NUMA1: variants seen among roughly 807,000 people sequenced by gnomAD.
NUMA1 encodes the protein nuclear mitotic apparatus protein 1, also known as SP-H antigen.
NUMA1 carries 62 observed loss-of-function variants against 237.1 expected under a neutral mutation model. The ratio of observed to expected loss-of-function variants is 0.26; its 90% confidence interval spans 0.21 to 0.32. The LOEUF (loss-of-function observed/expected upper bound fraction) is 0.32. Ranked by LOEUF, NUMA1 falls within the 10% of genes least tolerant of loss-of-function variation. The pLI, the probability that NUMA1 is intolerant of heterozygous loss-of-function variation, is 1.00. For missense variants in NUMA1, 2,533 were observed against 2,666.5 expected (o/e 0.95, Z 1.10); for synonymous variants, 1,028 against 1,066.1 (o/e 0.96, Z 0.70).
At chr11:72,008,009 G>A (rs773431342) in intron 20 of NUMA1, 57 of 434,804 alleles carry the variant, frequency 1.3e-4, no homozygotes, top group Middle Eastern at 1.0e-3. Context: ...TCAAACCCCA[G>A]CTCTACCACT....
At chr11:72,012,522 C>CT in intron 15 of NUMA1, 80 bp from the exon 16 acceptor site, 1 of 1,331,286 alleles carries the variant, frequency 7.5e-7, no homozygotes, top group Non-Finnish European at 1.1e-6. Context: ...GCTGACCTCA[C>CT]TGAGGCTCTG....
Position 72,013,664 on chromosome 11 carries a change from C to A in NUMA1, c.3839G>T (p.Ser1280Ile). 1.2e-6 allele frequency: 2 copies of A among 1,609,374 alleles called. No homozygotes were observed. The highest frequency in any genetic ancestry group is 1.7e-6 in the Non-Finnish European group (2 of 1,179,976). ...RLLQAETASN[S>I]ARAAERSSAL... ...AGAGCTGCGTTCTGCAGCTCTGGCA[C>A]TGTTGCTGGCTGTCTCTGCCTGCAG... Residue 1280 changes from serine (S) to isoleucine (I), a missense_variant, in exon 15 of 27, where the codon AGT becomes ATT. Ser to Ile is a moderately radical substitution (Grantham distance 142). Around this residue, in one of 3 missense-constraint regions of NUMA1, gnomAD observed 324 missense variants for 407.6 expected, o/e 0.79. Transcript: ENST00000393695. This position sits in a 1 kb window ranked among gnomAD's most constrained non-coding sequence, Gnocchi z 6.8.
At chr11:72,051,136 G>C (rs1187451841) in intron 2 of NUMA1, among the ~76,000 whole-genome samples, 1 of 152,108 alleles carries the variant, frequency 6.6e-6, no homozygotes, top group East Asian at 1.9e-4. Flanking sequence ...CGATCTGCCT[G>C]CATTGACCTC....
chr11:72,010,068 A>G (rs1235318461), intron 17 of NUMA1, among the ~76,000 whole-genome samples: 1 of 152,224 alleles, frequency 6.6e-6, no homozygotes, highest in African/African-American at 2.4e-5. Flanking sequence ...AACATAGGAC[A>G]GGCCCCACAA....
chr11:72,054,027 T>C (rs1372992152), intron 2 of NUMA1, among the ~76,000 whole-genome samples: 1 of 152,200 alleles, frequency 6.6e-6, no homozygotes, highest in Non-Finnish European at 1.5e-5. Context: ...TTGGTATCTG[T>C]GTGAAGTCCT....
chr11:72,069,308 G>A (rs1037523163), intron 2 of NUMA1, among the ~76,000 whole-genome samples: 3 of 152,144 alleles, frequency 2.0e-5, no homozygotes, highest in Admixed American at 6.5e-5. Flanking sequence ...ATTGAGGTTA[G>A]GCAATTTGTC....
At position 72,014,762 on chromosome 11, in the gene NUMA1, T is replaced by C; in HGVS notation, c.2741A>G (p.Lys914Arg). ...CAAGGTCTCCAAGCGGGCCACCTCT[T>C]TGCTGGTGGCAGCCATCTTTTCCTG... is the stretch of plus-strand genomic sequence containing the variant. Reference protein sequence around the residue: ...TLQEKMAATSKEVARLETLVR... With the variant: ...TLQEKMAATSREVARLETLVR... The change falls in exon 15 of 27, where the codon AAA becomes AGA. Residue 914 changes from lysine to arginine, a missense_variant. Physicochemically the swap from Lys to Arg is conservative, Grantham distance 26. Coordinates refer to ENST00000393695, the MANE Select transcript of NUMA1 (RefSeq NM_006185.4). The surrounding 1 kb of genome is among the most constrained non-coding windows in gnomAD (Gnocchi z 4.6). 2 of 1,614,192 alleles carry C rather than the reference T, an allele frequency of 1.2e-6. No individual in the cohort carries two copies. Among genetic ancestry groups the C allele is most frequent in the Non-Finnish European group, 1.7e-6 (2 of 1,180,054 alleles).
rs1937657403 is a variant in NUMA1, at chr11:72,015,952, C to T, written c.1551G>A (p.Gln517=). 5 of 1,614,148 alleles carry T rather than the reference C, an allele frequency of 3.1e-6. No individual in the cohort carries two copies. In the South Asian group the frequency reaches 3.3e-5, roughly 11 times the overall value. Residue 517 remains glutamine (Q), a synonymous_variant, in exon 15 of 27, where the codon CAG becomes CAA. Coordinates refer to ENST00000393695, the MANE Select transcript of NUMA1 (RefSeq NM_006185.4). The surrounding 1 kb of genome is among the most constrained non-coding windows in gnomAD (Gnocchi z 4.0). Reference sequence around the variant, plus strand: ...GCTTCAGGCCAGCCAGTTCTTGATCCTGTTGCTGGATGGTGGCATTGAGTG... The same window carrying T: ...GCTTCAGGCCAGCCAGTTCTTGATCTTGTTGCTGGATGGTGGCATTGAGTG... The part of the protein sequence containing the change: ...LTTLNATIQQ[Q]DQELAGLKQQ...
chr11:72,061,485 C>CTTTTCTT (rs1555038681), intron 2 of NUMA1, among the ~76,000 whole-genome samples: 20 of 117,280 alleles, frequency 1.7e-4, no homozygotes, highest in Non-Finnish European at 2.8e-4. Flanking sequence ...TGTTTCTTTT[C>CTTTTCTT]TTTTTTTTTT....
intron 10 of NUMA1, 86 bp downstream of exon 10, chr11:72,018,737 G>C: frequency 6.8e-7 from 1 of 1,481,232 alleles, no homozygotes; most frequent in South Asian, 1.3e-5. Context: ...CAGCTCCAGG[G>C]GCCAGCAGAG....
At chr11:72,056,941 T>C (rs1565282718) in intron 2 of NUMA1, among the ~76,000 whole-genome samples, 1 of 151,726 alleles carries the variant, frequency 6.6e-6, no homozygotes, top group Non-Finnish European at 1.5e-5. Flanking sequence ...GGAACTATCC[T>C]ACATCATCAT....
chr11:72,005,930 A>C (rs923813826), intron 22 of NUMA1, 105 bp downstream of exon 22: 1 of 955,106 alleles, frequency 1.0e-6, no homozygotes, highest in Non-Finnish European at 1.6e-6. Context: ...GATGGTAGCA[A>C]GGAGGCCAGC....
chr11:72,007,792 C>T, intron 20 of NUMA1: 1 of 372,854 alleles, frequency 2.7e-6, no homozygotes. Flanking sequence ...ACTCAGGCCC[C>T]CAAGCCATGA....
chr11:72,073,058 A>AAAAAAAAAAAAAG (rs1943535817), intron 1 of NUMA1, among the ~76,000 whole-genome samples: 1 of 147,232 alleles, frequency 6.8e-6, no homozygotes, highest in African/African-American at 2.5e-5. Flanking sequence ...CAAAAAAAAA[A>AAAAAAAAAAAAAG]AAAAAAAAAA....
chr11:72,013,821 T>C lies in NUMA1; in HGVS notation c.3682A>G (p.Ser1228Gly). 1 of 1,611,974 alleles carries C rather than the reference T, an allele frequency of 6.2e-7. No homozygotes were observed. The highest frequency in any genetic ancestry group is 8.5e-7 in the Non-Finnish European group (1 of 1,180,018). The part of the protein sequence containing the change: ...QEAERKNSLI[S>G]SLEEEVSILN... ...ATGGACACCTCCTCCTCCAAGCTGC[T>C]GATGAGGCTATTTTTCCTCTCAGCC... The change falls in exon 15 of 27, where the codon AGC (serine) becomes GGC (glycine). Residue 1228 changes from serine to glycine, a missense_variant. By Grantham distance (56) the Ser-to-Gly change is moderately conservative. Around this residue, in one of 3 missense-constraint regions of NUMA1, gnomAD observed 324 missense variants for 407.6 expected, o/e 0.79. Transcript: ENST00000393695. The surrounding 1 kb of genome is among the most constrained non-coding windows in gnomAD (Gnocchi z 6.8).
Position 72,014,612 on chromosome 11 carries a change from T to A in NUMA1, c.2891A>T (p.Gln964Leu). ...EQQGRQFCST[Q>L]AALQAMEREA... ...CCGCTCCATAGCCTGCAGCGCTGCC[T>A]GTGTGCTGCAGAACTGGCGTCCCTG... The change falls in exon 15 of 27, where the codon CAG becomes CTG. Residue 964 changes from glutamine (Q) to leucine (L), a missense_variant. Gln to Leu is a moderately radical substitution (Grantham distance 113). Transcript: ENST00000393695. This position sits in a 1 kb window ranked among gnomAD's most constrained non-coding sequence, Gnocchi z 4.6. 6.2e-7 allele frequency: 1 copy of A among 1,608,430 alleles called. No individual in the cohort carries two copies. Among genetic ancestry groups the A allele is most frequent in the Non-Finnish European group, 8.5e-7 (1 of 1,180,002 alleles).
chr11:72,018,815 C>A lies in NUMA1; in HGVS notation c.742+8G>T. 1.9e-6 allele frequency: 3 copies of A among 1,606,064 alleles called. No homozygotes were observed. The highest frequency in any genetic ancestry group is 2.1e-4 in the Middle Eastern group (1 of 4,866). On this transcript the variant is annotated splice_region_variant and intron_variant, in intron 10 of 26. Transcript: ENST00000393695. ...ATTCACACATCTGCCAGTGTGCCAG[C>A]CACCTACCCTTCTCGGTGAGGAGCT...
At position 72,007,442 on chromosome 11, in the gene NUMA1, A is replaced by G. The variant is rs751949071; in HGVS notation, c.5217-7T>C. ...CTGGGTACGAGGCAGCTTGCTATGG[A>G]AAGGAAACCTGCTGAGGTACAGTCC... On this transcript the variant is annotated splice_polypyrimidine_tract_variant and splice_region_variant and intron_variant, in intron 20 of 26. Coordinates refer to ENST00000393695, the MANE Select transcript of NUMA1 (RefSeq NM_006185.4). 2.0e-5 allele frequency: 33 copies of G among 1,612,776 alleles called. No individual in the cohort carries two copies. The highest frequency in any genetic ancestry group is 2.6e-5 in the Non-Finnish European group (31 of 1,179,848).
At chr11:72,012,033 C>G (rs1415270093) in intron 16 of NUMA1, among the ~76,000 whole-genome samples, 1 of 152,240 alleles carries the variant, frequency 6.6e-6, no homozygotes, top group Non-Finnish European at 1.5e-5. Flanking sequence ...GGTAATTCTG[C>G]TGTTCCTCTT....
Sources: gnomAD v4.1 joint callset for allele counts (sites outside exome capture counted in the v4.1 genomes callset) on GRCh38, gnomAD v4.1.1 for gene constraint, gnomAD v4.1.1 regional missense constraint, Gnocchi (gnomAD v3.1) non-coding constraint, MANE v1.5 for transcripts, NCBI Gene and HGNC (gene_info 2026-07-23, HGNC 2026-07-21) for gene names.